Variants in ZBTB20 observed in about 807,000 individuals in gnomAD.
ZBTB20 encodes the protein zinc finger and BTB domain containing 20, also known as zinc finger and BTB domain-containing protein 20.
A neutral mutation model predicts 56.9 loss-of-function variants in ZBTB20; 9 were observed. That is an observed-to-expected ratio of 0.16 (90% CI 0.10 to 0.28). The LOEUF (loss-of-function observed/expected upper bound fraction) is 0.28, where lower values mean the gene tolerates loss of function less well. Among genes scored for constraint, ZBTB20 ranks in the 10% least tolerant of loss-of-function variants. The pLI, the probability that ZBTB20 is intolerant of heterozygous loss-of-function variation, is 1.00. For synonymous variants in ZBTB20, 417 were observed against 420.7 expected (o/e 0.99, Z 0.11); for missense variants, 655 against 1,003.0 (o/e 0.65, Z 4.69).
chr3:114,634,742 A>T (rs561135278), intron 6 of ZBTB20, among the ~76,000 whole-genome samples: 1 of 152,318 alleles, frequency 6.6e-6, no homozygotes, highest in African/African-American at 2.4e-5. Context: ...GGCTTAGCTC[A>T]ACACTGAGAG....
At position 114,451,931 on chromosome 3, in the gene ZBTB20, G is replaced by A. The variant is rs148421752; in HGVS notation, c.-255+48421C>T. ...TATCACCTGTCACTGTACTCTTGGC[G>A]GCACAACTAGCTGATAGGAGCTGCC... On this transcript the variant is annotated intron_variant, in intron 7 of 11. Transcript: ENST00000675478. Among the ~76,000 whole-genome samples the A allele has an allele frequency of 1.2e-3, 175 of 152,096 alleles. 1 individual carries two copies. The highest frequency in any genetic ancestry group is 6.2e-3 in the East Asian group (32 of 5,180).
intron 4 of ZBTB20, among the ~76,000 whole-genome samples, chr3:114,814,451 T>A (rs2072780662): frequency 6.6e-6 from 1 of 152,164 alleles, no homozygotes; most frequent in Non-Finnish European, 1.5e-5. Context: ...ACATTTCAGA[T>A]GCAATCTGAA....
At chr3:114,634,943 A>T (rs1427601654) in intron 6 of ZBTB20, among the ~76,000 whole-genome samples, 1 of 152,004 alleles carries the variant, frequency 6.6e-6, no homozygotes, top group African/African-American at 2.4e-5. Flanking sequence ...GAGGAGGGCA[A>T]CTCCTTACAG....
chr3:114,983,841 T>C (rs2078428310), intron 2 of ZBTB20, among the ~76,000 whole-genome samples: 2 of 152,098 alleles, frequency 1.3e-5, no homozygotes, highest in African/African-American at 4.8e-5. Flanking sequence ...TATAGACCTC[T>C]TGTTATTTTC....
intron 6 of ZBTB20, among the ~76,000 whole-genome samples, chr3:114,636,850 CA>C (rs1459548704): frequency 2.6e-5 from 4 of 151,894 alleles, no homozygotes; most frequent in Non-Finnish European, 5.9e-5. Flanking sequence ...CTTCCCCAAT[CA>C]AAAGATACAA....
chr3:114,764,089 C>G (rs951849968), intron 5 of ZBTB20, among the ~76,000 whole-genome samples: 3 of 152,044 alleles, frequency 2.0e-5, no homozygotes, highest in Non-Finnish European at 2.9e-5. Context: ...TTTTAGCAGG[C>G]TGTTGAATGA....
At chr3:114,570,967 T>C (rs1007659771) in intron 6 of ZBTB20, among the ~76,000 whole-genome samples, 11 of 152,340 alleles carry the variant, frequency 7.2e-5, no homozygotes, top group Admixed American at 5.9e-4. Context: ...TACTGCATAT[T>C]ACTCTGTGCT....
chr3:114,400,507 T>C (rs1414830157), intron 7 of ZBTB20, among the ~76,000 whole-genome samples: 2 of 152,122 alleles, frequency 1.3e-5, no homozygotes, highest in Non-Finnish European at 2.9e-5. Flanking sequence ...AATAAAGCAC[T>C]GGCAGCAGCT....
intron 7 of ZBTB20, among the ~76,000 whole-genome samples, chr3:114,492,386 A>G (rs2042846164): frequency 6.6e-6 from 1 of 152,204 alleles, no homozygotes; most frequent in Non-Finnish European, 1.5e-5. Context: ...TCTCCACTCC[A>G]GTCCTCCTTT....
At chr3:114,515,042 T>C (rs367980488) in intron 6 of ZBTB20, among the ~76,000 whole-genome samples, 28 of 152,306 alleles carry the variant, frequency 1.8e-4, no homozygotes, top group African/African-American at 6.7e-4. Context: ...AAGTTAGGAA[T>C]GAAACACTGA....
chr3:114,762,454 T>C (rs2068506042), intron 5 of ZBTB20, among the ~76,000 whole-genome samples: 1 of 152,180 alleles, frequency 6.6e-6, no homozygotes, highest in African/African-American at 2.4e-5. Flanking sequence ...CAAATATCCA[T>C]GAAACAGAAC....
chr3:114,856,091 C>T (rs932023337), intron 4 of ZBTB20, among the ~76,000 whole-genome samples: 3 of 152,080 alleles, frequency 2.0e-5, no homozygotes, highest in Non-Finnish European at 4.4e-5. Context: ...GTGGCTTAAC[C>T]TCTCTGGACC....
chr3:114,451,884 C>T lies in ZBTB20; in HGVS notation c.-255+48468G>A, dbSNP rs951537670. ...ATGTGTCACTCTCAGGTCAGATCCA[C>T]GAAGAATCCCAGAATGACAGCTATC... On this transcript the variant is annotated intron_variant, in intron 7 of 11. Transcript: ENST00000675478. Among the ~76,000 whole-genome samples the T allele has an allele frequency of 5.9e-5, 9 of 151,918 alleles. No homozygotes were observed. In the East Asian group the frequency reaches 9.7e-4, roughly 16 times the overall value.
rs989232690 is a variant in ZBTB20, at chr3:114,337,704, A to T, written c.*1301T>A. ...TAAAAATTAAGAAAAATTAAAAAAA[A>T]TATGAAGAAAATATCCTTCCTCTCT... On this transcript the variant is annotated 3_prime_UTR_variant, in exon 12 of 12. Transcript: ENST00000675478. The T allele has an allele frequency of 6.6e-6, 1 of 152,156 alleles. No individual in the cohort carries two copies. The highest frequency in any genetic ancestry group is 6.5e-5 in the Admixed American group (1 of 15,282). The allele number at this position is 152,156 out of a possible 1,614,324, so 9.4% of individuals were successfully genotyped here.
At chr3:114,770,117 G>C (rs896753088) in intron 5 of ZBTB20, among the ~76,000 whole-genome samples, 21 of 151,516 alleles carry the variant, frequency 1.4e-4, no homozygotes, top group African/African-American at 4.6e-4. Flanking sequence ...TGGGAAAGGG[G>C]CGAGGGATAG....
chr3:114,399,254 T>A (rs2086605552), intron 7 of ZBTB20, among the ~76,000 whole-genome samples: 1 of 152,176 alleles, frequency 6.6e-6, no homozygotes, highest in Admixed American at 6.5e-5. Context: ...AAGTGCATTT[T>A]ATTAGAGTAT....
At chr3:114,375,701 G>A (rs1044704818) in intron 10 of ZBTB20, 1 of 152,116 alleles carries the variant, frequency 6.6e-6, no homozygotes, top group African/African-American at 2.4e-5. Context: ...GGGACTAAAA[G>A]GTTTATTCAC....
In ZBTB20 at chr3:114,328,455, C is replaced by T. The variant is rs183984852; in HGVS notation, c.*10550G>A. 29 of 151,236 alleles carry T rather than the reference C, an allele frequency of 1.9e-4. No homozygotes were observed. The highest frequency in any genetic ancestry group is 6.1e-4 in the African/African-American group (25 of 41,270). 9.4% of individuals were successfully genotyped at this position (151,236 alleles called of 1,614,324 possible). On this transcript the variant is annotated 3_prime_UTR_variant, in exon 12 of 12. Transcript: ENST00000675478. ...CAACATTAATGATTCTTTTTTTCTC[C>T]GTCAAAAGTGATTTACTCATATGAA...
At chr3:114,979,569 T>G (rs1430929576) in intron 2 of ZBTB20, among the ~76,000 whole-genome samples, 1 of 152,038 alleles carries the variant, frequency 6.6e-6, no homozygotes, top group African/African-American at 2.4e-5. Context: ...GAATAGAAAC[T>G]GTTAAAGACC....
Sources: gnomAD v4.1 joint callset for allele counts (sites outside exome capture counted in the v4.1 genomes callset) on GRCh38, gnomAD v4.1.1 for gene constraint, MANE v1.5 for transcripts, NCBI Gene and HGNC (gene_info 2026-07-23, HGNC 2026-07-21) for gene names.